The following CNTNAP4 variants were observed in gnomAD, a reference collection of about 807,000 sequenced individuals.
CNTNAP4 encodes the protein contactin-associated protein-like 4.
A neutral mutation model predicts 148.4 loss-of-function variants in CNTNAP4; 98 were observed. The ratio of observed to expected loss-of-function variants is 0.66; its 90% CI spans 0.56 to 0.78. The LOEUF is 0.78. Ranked by LOEUF, CNTNAP4 falls within the 30% of genes least tolerant of loss-of-function variation. The pLI is 0.00. For missense variants in CNTNAP4, 1,935 were observed against 1,565.6 expected (o/e 1.24, Z -3.98); for synonymous variants, 730 against 565.1 (o/e 1.29, Z -4.14).
chr16:76,516,671 T>A (rs12921321), intron 15 of CNTNAP4, among the ~76,000 whole-genome samples: 24,267 of 152,256 alleles, frequency 0.16, 2,045 homozygotes, highest in Non-Finnish European at 0.19. Context: ...TGCAGGTAGA[T>A]GGTTAAATAA....
At chr16:76,296,016 T>A (rs907154904) in intron 1 of CNTNAP4, among the ~76,000 whole-genome samples, 1 of 152,154 alleles carries the variant, frequency 6.6e-6, no homozygotes, top group Admixed American at 6.5e-5. Flanking sequence ...AGTGTGTTCA[T>A]TTTTTGAAAC....
intron 7 of CNTNAP4, among the ~76,000 whole-genome samples, chr16:76,451,739 C>T (rs1256395223): frequency 1.3e-5 from 2 of 151,456 alleles, no homozygotes; most frequent in Non-Finnish European, 2.9e-5. Context: ...CCAAATGATG[C>T]ATAAGATCAA....
intron 2 of CNTNAP4, among the ~76,000 whole-genome samples, chr16:76,330,675 C>A (rs1220418942): frequency 6.6e-6 from 1 of 152,202 alleles, no homozygotes; most frequent in African/African-American, 2.4e-5. Flanking sequence ...CCCGTCTTTG[C>A]TTAATTTGTG....
intron 8 of CNTNAP4, among the ~76,000 whole-genome samples, chr16:76,453,383 C>T (rs948469481): frequency 1.3e-5 from 2 of 152,144 alleles, no homozygotes; most frequent in African/African-American, 2.4e-5. Flanking sequence ...AAGTAATGTA[C>T]TTGAGGTGAC....
In CNTNAP4 at chr16:76,498,862, A is replaced by T. The variant is rs549953739; in HGVS notation, c.2365+168A>T. ...TGAGGTGCCTTTAGTAGTCAAATTCATAGACAGAAAGTAGAATGGTGGTTT... is the reference window on the plus strand; with the variant it reads ...TGAGGTGCCTTTAGTAGTCAAATTCTTAGACAGAAAGTAGAATGGTGGTTT... On this transcript the variant is annotated intron_variant, in intron 15 of 23. Coordinates refer to ENST00000611870, the MANE Select transcript of CNTNAP4 (RefSeq NM_033401.5). Among the ~76,000 whole-genome samples, 40 of 152,280 alleles carry T rather than the reference A, an allele frequency of 2.6e-4. 1 individual carries two copies. Among genetic ancestry groups the T allele is most frequent in the Admixed American group, 7.8e-4 (12 of 15,296 alleles).
At chr16:76,513,009 AG>A (rs370041155) in intron 15 of CNTNAP4, among the ~76,000 whole-genome samples, 15 of 152,276 alleles carry the variant, frequency 9.9e-5, no homozygotes, top group African/African-American at 3.1e-4. Flanking sequence ...TTCAAGGAAT[AG>A]TGGGAGGAAA....
chr16:76,367,057 A>T (rs1252390589), intron 3 of CNTNAP4, among the ~76,000 whole-genome samples: 1 of 151,790 alleles, frequency 6.6e-6, no homozygotes, highest in Non-Finnish European at 1.5e-5. Flanking sequence ...TTATTAATAT[A>T]TATTAATTAA....
chr16:76,354,598 T>G (rs745773288), intron 2 of CNTNAP4, among the ~76,000 whole-genome samples: 2 of 152,152 alleles, frequency 1.3e-5, no homozygotes, highest in Non-Finnish European at 2.9e-5. Context: ...TTAAATACTC[T>G]CATCATGGCC....
chr16:76,429,404 A>G (rs1463868417), intron 4 of CNTNAP4, among the ~76,000 whole-genome samples: 2 of 152,190 alleles, frequency 1.3e-5, no homozygotes, highest in African/African-American at 2.4e-5. Context: ...CAGTATAAAA[A>G]TAGCTAACAG....
At chr16:76,420,372 A>G (rs905681095) in intron 3 of CNTNAP4, among the ~76,000 whole-genome samples, 6 of 143,656 alleles carry the variant, frequency 4.2e-5, no homozygotes, top group Admixed American at 7.2e-5. Context: ...TGAATAGACA[A>G]TTTTAGGCCT....
intron 21 of CNTNAP4, among the ~76,000 whole-genome samples, chr16:76,550,869 A>G (rs905583750): frequency 6.6e-6 from 1 of 152,134 alleles, no homozygotes; most frequent in South Asian, 2.1e-4. Flanking sequence ...AGGAGCTCAC[A>G]GTATCGTATG....
chr16:76,487,207 CAG>C (rs1597705133), intron 12 of CNTNAP4, among the ~76,000 whole-genome samples: 1 of 152,192 alleles, frequency 6.6e-6, no homozygotes, highest in Non-Finnish European at 1.5e-5. Context: ...GCATCTGAAT[CAG>C]ATAACCTAGG....
At chr16:76,391,479 A>G (rs550682044) in intron 3 of CNTNAP4, among the ~76,000 whole-genome samples, 3 of 152,206 alleles carry the variant, frequency 2.0e-5, no homozygotes, top group Non-Finnish European at 2.9e-5. Flanking sequence ...CTGTTATGCA[A>G]AACTTTGTGC....
intron 16 of CNTNAP4, 108 bp from the exon 17 acceptor site, chr16:76,521,931 C>G (rs1347873568): frequency 1.0e-6 from 1 of 983,462 alleles, no homozygotes; most frequent in African/African-American, 1.6e-5. Flanking sequence ...TGTTCGTTAT[C>G]TTTCTGTTCA....
intron 8 of CNTNAP4, among the ~76,000 whole-genome samples, chr16:76,455,517 C>G (rs1004483850): frequency 4.6e-5 from 7 of 152,192 alleles, no homozygotes; most frequent in African/African-American, 1.2e-4. Context: ...TTGAAATATT[C>G]CTAACTTTCG....
chr16:76,514,395 ATTTCT>A (rs1379241729), intron 15 of CNTNAP4, among the ~76,000 whole-genome samples: 1 of 152,230 alleles, frequency 6.6e-6, no homozygotes, highest in Non-Finnish European at 1.5e-5. Flanking sequence ...ACACAAGTCT[ATTTCT>A]TTGCTATTAA....
intron 3 of CNTNAP4, among the ~76,000 whole-genome samples, chr16:76,423,465 G>A (rs192237374): frequency 1.8e-3 from 267 of 152,134 alleles, no homozygotes; most frequent in Non-Finnish European, 2.9e-3. Context: ...AATCTTTAAA[G>A]GAAGACATAA....
intron 15 of CNTNAP4, among the ~76,000 whole-genome samples, chr16:76,502,050 C>T: frequency 6.7e-6 from 1 of 148,530 alleles, no homozygotes; most frequent in Non-Finnish European, 1.5e-5. Context: ...GCCTGGGCGA[C>T]AGAGCGAGAC....
At chr16:76,446,463 C>A (rs144125179) in intron 4 of CNTNAP4, among the ~76,000 whole-genome samples, 1 of 152,210 alleles carries the variant, frequency 6.6e-6, no homozygotes, top group East Asian at 1.9e-4. Flanking sequence ...TTTAATGTCT[C>A]TTGTTCAGGT....
Sources: gnomAD v4.1 joint callset for allele counts (sites outside exome capture counted in the v4.1 genomes callset) on GRCh38, gnomAD v4.1.1 for gene constraint, MANE v1.5 for transcripts, NCBI Gene and HGNC (gene_info 2026-07-23, HGNC 2026-07-21) for gene names.